Variants in TLE3 observed in about 807,000 individuals in gnomAD.
TLE3 encodes TLE family member 3, transcriptional corepressor.
Under a neutral mutation model 93.0 loss-of-function variants are expected in TLE3, and 14 were observed. That is an observed-to-expected ratio of 0.15 (90% CI 0.10 to 0.24). The LOEUF is 0.24. TLE3 is among the 10% of genes least tolerant of loss of function. The pLI, the probability that TLE3 is intolerant of heterozygous loss-of-function variation, is 1.00. For missense variants in TLE3, 693 were observed against 1,046.6 expected (o/e 0.66, Z 4.66); for synonymous variants, 451 against 425.0 (o/e 1.06, Z -0.75).
At chr15:70,053,568 CG>C (rs2055742272) in intron 16 of TLE3, 194 bp from the exon 17 acceptor site, 1 of 552,978 alleles carries the variant, frequency 1.8e-6, no homozygotes, top group Non-Finnish European at 2.9e-6. Flanking sequence ...TCCAGTTCCA[CG>C]GAAGGGTTTG....
At chr15:70,063,286 T>C (rs1239317018) in intron 8 of TLE3, among the ~76,000 whole-genome samples, 1 of 152,192 alleles carries the variant, frequency 6.6e-6, no homozygotes, top group Non-Finnish European at 1.5e-5. Context: ...CTAGGCAAAC[T>C]GCCTCTCCGA....
intron 5 of TLE3, among the ~76,000 whole-genome samples, chr15:70,075,599 G>A (rs2057401415): frequency 6.6e-6 from 1 of 152,198 alleles, no homozygotes; most frequent in African/African-American, 2.4e-5. Flanking sequence ...CGGCCCGTCT[G>A]TCTGGTCGGC....
At chr15:70,054,727 C>A in intron 15 of TLE3, 42 bp from the exon 16 acceptor site, 1 of 1,517,736 alleles carries the variant, frequency 6.6e-7, no homozygotes, top group East Asian at 2.3e-5. Flanking sequence ...CCTACTTCCC[C>A]TCCTGGGCAC....
At position 70,049,334 on chromosome 15, in the gene TLE3, C is replaced by A. The variant is rs990226810; in HGVS notation, c.*763G>T. On this transcript the variant is annotated 3_prime_UTR_variant, in exon 20 of 20. Transcript: ENST00000451782. Reference sequence around the variant, plus strand: ...GGCCCCCATCTCAGTGCCTTCCATCCCTCAGTCTGGCCGGCTGGTTATCAG... The same window carrying A: ...GGCCCCCATCTCAGTGCCTTCCATCACTCAGTCTGGCCGGCTGGTTATCAG... The A allele has an allele frequency of 1.3e-5, 2 of 152,224 alleles. No individual in the cohort carries two copies. Among genetic ancestry groups the A allele is most frequent in the Non-Finnish European group, 2.9e-5 (2 of 68,064 alleles). The allele number at this position is 152,224 out of a possible 1,614,324, so 9.4% of individuals were successfully genotyped here. A position where few individuals can be genotyped will look rare whatever the true frequency, so the allele number is the denominator to read the frequency against.
chr15:70,088,812 T>C (rs2058157238), intron 4 of TLE3, among the ~76,000 whole-genome samples: 3 of 152,256 alleles, frequency 2.0e-5, no homozygotes, highest in South Asian at 4.1e-4. Context: ...GGAATAAAGT[T>C]CAAAGCAGCA....
chr15:70,079,364 G>A (rs1222921496), intron 4 of TLE3: 2 of 499,778 alleles, frequency 4.0e-6, no homozygotes, highest in Admixed American at 2.3e-5. Flanking sequence ...ACTGTGTAGG[G>A]TTGAGGCAGG....
chr15:70,057,045 G>A (rs979140708), intron 13 of TLE3, among the ~76,000 whole-genome samples: 42 of 152,166 alleles, frequency 2.8e-4, no homozygotes, highest in African/African-American at 9.7e-4. Flanking sequence ...GAGCCACTGC[G>A]CTCGACCCCT....
rs1412430842 is a variant in TLE3, at chr15:70,058,460, G to A, written c.919-169C>T. On this transcript the variant is annotated intron_variant, in intron 11 of 19. Coordinates refer to ENST00000451782, the MANE Select transcript of TLE3 (RefSeq NM_001105192.3). The surrounding 1 kb of genome is among the most constrained non-coding windows in gnomAD (Gnocchi z 4.1). ...AACCTTGTTTGGCAGGGACTGGGGT[G>A]ATCACTCCCATTTTACAGACGTAGC... 1 of 1,307,032 alleles carries A rather than the reference G, an allele frequency of 7.7e-7. No homozygotes were observed. Among genetic ancestry groups the A allele is most frequent in the Non-Finnish European group, 1.0e-6 (1 of 956,678 alleles). The allele number at this position is 1,307,032 out of a possible 1,614,324, so 81.0% of individuals were successfully genotyped here. A position where few individuals can be genotyped will look rare whatever the true frequency, so the allele number is the denominator to read the frequency against.
In TLE3 at chr15:70,072,954, C is replaced by A. The variant is rs915877148; in HGVS notation, c.372+1579G>T. Among the ~76,000 whole-genome samples the A allele has an allele frequency of 2.0e-5, 3 of 152,212 alleles. No homozygotes were observed. The East Asian group carries it at 5.8e-4, about 29-fold the overall frequency. ...CCTTCCAGCACTGAACACTTCTTCA[C>A]GTTCCAGTTTCAAGACTCCTCTCTG... is the stretch of plus-strand genomic sequence containing the variant. On this transcript the variant is annotated intron_variant, in intron 6 of 19. Transcript: ENST00000451782.
At chr15:70,079,397 C>A (rs753617436) in intron 4 of TLE3, 2 of 427,504 alleles carry the variant, frequency 4.7e-6, no homozygotes, top group African/African-American at 5.2e-5. Flanking sequence ...GCTGGGCTTA[C>A]GTTGGGAGAA....
intron 4 of TLE3, among the ~76,000 whole-genome samples, chr15:70,086,892 A>C (rs2058062597): frequency 9.4e-6 from 1 of 106,482 alleles, no homozygotes; most frequent in Non-Finnish European, 2.6e-5. Flanking sequence ...TTTTGCACTT[A>C]AACTGTCCAT....
At chr15:70,060,066 G>A (rs2056363524) in intron 9 of TLE3, among the ~76,000 whole-genome samples, 1 of 152,210 alleles carries the variant, frequency 6.6e-6, no homozygotes, top group Non-Finnish European at 1.5e-5. Context: ...CAACAGCCAT[G>A]CTTCCACTAG....
Position 70,057,452 on chromosome 15 carries a change from T to G in TLE3, c.1251+7A>C. On this transcript the variant is annotated splice_region_variant and intron_variant, in intron 13 of 19. Coordinates refer to ENST00000451782, the MANE Select transcript of TLE3 (RefSeq NM_001105192.3). ...TCCCCAAGAAAGGAGCCAAAAGGTC[T>G]ACGTACAGCTCCAAAGCTCACCATT... is the stretch of plus-strand genomic sequence containing the variant. 1 of 1,592,406 alleles carries G rather than the reference T, an allele frequency of 6.3e-7. No individual in the cohort carries two copies. Among genetic ancestry groups the G allele is most frequent in the Non-Finnish European group, 8.5e-7 (1 of 1,169,654 alleles).
At chr15:70,053,606 G>GA in intron 16 of TLE3, 2 of 401,630 alleles carry the variant, frequency 5.0e-6, no homozygotes, top group East Asian at 8.3e-5. Context: ...CTGGGAAATG[G>GA]GGGGGGGAGG....
In TLE3 at chr15:70,066,024, G is replaced by A. The variant is rs199657958; in HGVS notation, c.567C>T (p.Leu189=). The change falls in exon 7 of 20, where the codon CTC becomes CTT. Residue 189 remains leucine (L), a synonymous_variant. Coordinates refer to ENST00000451782, the MANE Select transcript of TLE3 (RefSeq NM_001105192.3). ...CCAGCCCAGCCGCACCTCTGTGATC[G>A]AGTTCATGGTGGTTCTTCTCATCCT... The part of the protein sequence containing the change: ...TVKDEKNHHE[L]DHRERESSAN... 624 of 1,610,338 alleles carry A rather than the reference G, an allele frequency of 3.9e-4. 5 individuals are homozygous for A. In the East Asian group the frequency reaches 0.01, roughly 26 times the overall value.
chr15:70,082,371 A>G (rs1466969105), intron 4 of TLE3, among the ~76,000 whole-genome samples: 3 of 152,148 alleles, frequency 2.0e-5, no homozygotes, highest in African/African-American at 7.2e-5. Flanking sequence ...TGGGGTTCTC[A>G]GGCCCTGCTC....
chr15:70,078,355 C>T (rs2057556942), intron 4 of TLE3, among the ~76,000 whole-genome samples: 1 of 152,116 alleles, frequency 6.6e-6, no homozygotes, highest in East Asian at 1.9e-4. Flanking sequence ...TGAGTTCATG[C>T]ACCAAATAAG....
chr15:70,052,648 C>T, intron 17 of TLE3, 124 bp from the exon 18 acceptor site: 3 of 1,079,052 alleles, frequency 2.8e-6, no homozygotes, highest in Non-Finnish European at 2.5e-6. Flanking sequence ...CACCCAATAA[C>T]CCAGGAGTAT....
rs771909506 is a variant in TLE3 at position 70,094,578 on chromosome 15, T to TAA, written c.190-4_190-3dup. 6.4e-7 allele frequency: 1 copy of TAA among 1,550,490 alleles called. No individual in the cohort carries two copies. The highest frequency in any genetic ancestry group is 8.7e-7 in the Non-Finnish European group (1 of 1,147,756). On this transcript the variant is annotated splice_polypyrimidine_tract_variant and splice_region_variant and intron_variant, in intron 3 of 19. Coordinates refer to ENST00000451782, the MANE Select transcript of TLE3 (RefSeq NM_001105192.3). The stretch of plus-strand genomic sequence containing the variant: ...CAAGCCATAGGACATCTCATAGTAC[T>TAA]AAAAGTAAAAAGAATGGCTATTAAC...
Sources: gnomAD v4.1 joint callset for allele counts (sites outside exome capture counted in the v4.1 genomes callset) on GRCh38, gnomAD v4.1.1 for gene constraint, Gnocchi (gnomAD v3.1) non-coding constraint, MANE v1.5 for transcripts, NCBI Gene and HGNC (gene_info 2026-07-23, HGNC 2026-07-21) for gene names.